Variants in ADAMTS2 observed in about 807,000 individuals in gnomAD.
ADAMTS2 encodes the protein A disintegrin and metalloproteinase with thrombospondin motifs 2.
Under a neutral mutation model 123.0 loss-of-function variants are expected in ADAMTS2, and 50 were observed. The observed-to-expected ratio is 0.41, with a 90% CI of 0.32 to 0.51. The LOEUF (loss-of-function observed/expected upper bound fraction) is 0.51, where lower values mean the gene tolerates loss of function less well. Among genes scored for constraint, ADAMTS2 ranks in the 20% least tolerant of loss-of-function variants. The pLI, the probability that ADAMTS2 is intolerant of heterozygous loss-of-function variation, is 0.35. For synonymous variants in ADAMTS2, 678 were observed against 695.4 expected (o/e 0.98, Z 0.39); for missense variants, 1,494 against 1,705.2 (o/e 0.88, Z 2.18).
chr5:179,320,318 T>G lies in ADAMTS2; in HGVS notation c.534+23449A>C, dbSNP rs572660203. On this transcript the variant is annotated intron_variant, in intron 2 of 21. Transcript: ENST00000251582. The stretch of plus-strand genomic sequence containing the variant: ...GTCCACCCTCCTCCATTTTTTTGGG[T>G]TTTTTTTGAGACGGAGTCTCGCTCT... 8.9e-5 allele frequency among the ~76,000 whole-genome samples: 13 copies of G among 146,182 alleles called. No homozygotes were observed. In the East Asian group the frequency reaches 1.7e-3, roughly 20 times the overall value.
At chr5:179,284,316 G>A (rs951579554) in intron 2 of ADAMTS2, among the ~76,000 whole-genome samples, 1 of 151,870 alleles carries the variant, frequency 6.6e-6, no homozygotes, top group Admixed American at 6.6e-5. Context: ...GCAACAGAGT[G>A]AGACTCCATC....
intron 3 of ADAMTS2, among the ~76,000 whole-genome samples, chr5:179,247,428 AG>A (rs1055259020): frequency 6.6e-6 from 1 of 152,130 alleles, no homozygotes; most frequent in Non-Finnish European, 1.5e-5. Flanking sequence ...TTCAAGAAAG[AG>A]AATAGAGAAA....
At position 179,153,572 on chromosome 5, in the gene ADAMTS2, C is replaced by T. The variant is rs1376304948; in HGVS notation, c.1434G>A (p.Leu478=). Residue 478 remains leucine (L), a synonymous_variant, in exon 9 of 22, where the codon CTG becomes CTA. Transcript: ENST00000251582. ...DDPFAHDWPA[L]PQLPGLHYSM... ...AGTAGTGCAGTCCCGGGAGCTGGGGCAGCGCCGGCCAGTCGTGGGCGAAGG... is the reference window on the plus strand; with the variant it reads ...AGTAGTGCAGTCCCGGGAGCTGGGGTAGCGCCGGCCAGTCGTGGGCGAAGG... The T allele has an allele frequency of 1.2e-6, 2 of 1,608,974 alleles. No individual in the cohort carries two copies. The highest frequency in any genetic ancestry group is 1.7e-5 in the Admixed American group (1 of 59,964).
intron 21 of ADAMTS2, among the ~76,000 whole-genome samples, chr5:179,116,258 GCA>G (rs1762655849): frequency 1.1e-5 from 1 of 89,590 alleles, no homozygotes; most frequent in African/African-American, 6.0e-5. Flanking sequence ...TGTGACCACG[GCA>G]CCCCCCCCCC....
rs751417288 is a variant in ADAMTS2, at chr5:179,260,145, T to C, written c.688+12766A>G. On this transcript the variant is annotated intron_variant, in intron 3 of 21. Coordinates refer to ENST00000251582, the MANE Select transcript of ADAMTS2 (RefSeq NM_014244.5). The surrounding 1 kb of genome is among the most constrained non-coding windows in gnomAD (Gnocchi z 4.2). ...ATGTCCCATGGGCCCATGGGACCAG[T>C]AGCCACCCACAGCTGCCAACCTGAG... 6.2e-4 allele frequency among the ~76,000 whole-genome samples: 95 copies of C among 152,016 alleles called. No homozygotes were observed. The highest frequency in any genetic ancestry group is 5.1e-4 in the Non-Finnish European group (35 of 68,002).
In ADAMTS2 at chr5:179,242,676, C is replaced by T. The variant is rs540089890; in HGVS notation, c.688+30235G>A. ...GAGCCATCACTTGCTCTCTCTTCCC[C>T]GCTTCTAGTCCTTCCAGTTCAGCTT... is the stretch of plus-strand genomic sequence containing the variant. On this transcript the variant is annotated intron_variant, in intron 3 of 21. Transcript: ENST00000251582. The surrounding 1 kb of genome is among the most constrained non-coding windows in gnomAD (Gnocchi z 4.2). 1.3e-5 allele frequency among the ~76,000 whole-genome samples: 2 copies of T among 152,294 alleles called. No homozygotes were observed. The highest frequency in any genetic ancestry group is 1.9e-4 in the East Asian group (1 of 5,186).
In ADAMTS2 at chr5:179,286,678, C is replaced by T. The variant is rs567973008; in HGVS notation, c.535-13614G>A. Among the ~76,000 whole-genome samples, 11 of 152,292 alleles carry T rather than the reference C, an allele frequency of 7.2e-5. No homozygotes were observed. The East Asian group carries it at 1.3e-3, about 19-fold the overall frequency. ...GCCAGCACCCCCTCCCACAAAAGGT[C>T]GGGGCCGGCGCCTTCCCTAGGTTGC... On this transcript the variant is annotated intron_variant, in intron 2 of 21. Transcript: ENST00000251582.
chr5:179,318,151 A>C (rs1757054200), intron 2 of ADAMTS2, among the ~76,000 whole-genome samples: 1 of 152,246 alleles, frequency 6.6e-6, no homozygotes, highest in Admixed American at 6.5e-5. Flanking sequence ...CCAAGGCTCC[A>C]GCCACTCTCA....
intron 10 of ADAMTS2, among the ~76,000 whole-genome samples, chr5:179,146,673 A>G (rs1204170567): frequency 6.6e-6 from 1 of 152,002 alleles, no homozygotes; most frequent in Non-Finnish European, 1.5e-5. Flanking sequence ...TCTTCCTCCT[A>G]ATGAGCAACT....
intron 2 of ADAMTS2, chr5:179,341,220 A>C: frequency 4.4e-6 from 1 of 229,854 alleles, no homozygotes; most frequent in Non-Finnish European, 8.8e-6. Context: ...GCAGCAACAA[A>C]GTCAGAAAAG....
rs961321496 is a variant in ADAMTS2 at position 179,153,173 on chromosome 5, G to A, written c.1515+318C>T. Among the ~76,000 whole-genome samples the A allele has an allele frequency of 6.8e-4, 103 of 152,204 alleles. 1 individual carries two copies. The highest frequency in any genetic ancestry group is 2.4e-3 in the African/African-American group (100 of 41,528). On this transcript the variant is annotated intron_variant, in intron 9 of 21. Coordinates refer to ENST00000251582, the MANE Select transcript of ADAMTS2 (RefSeq NM_014244.5). ...CCCTTCCTGAATGCCCTCTCCTTCC[G>A]CTTAGCCTGCAGGCCTCCCTTCTTC... is the stretch of plus-strand genomic sequence containing the variant.
At chr5:179,172,428 G>A (rs1251254522) in intron 5 of ADAMTS2, among the ~76,000 whole-genome samples, 6 of 152,250 alleles carry the variant, frequency 3.9e-5, no homozygotes, top group African/African-American at 1.4e-4. Flanking sequence ...ACTTCTGCAG[G>A]CAAGGCGCAT....
intron 2 of ADAMTS2, among the ~76,000 whole-genome samples, chr5:179,297,537 G>C (rs1288032182): frequency 1.3e-5 from 2 of 152,082 alleles, no homozygotes; most frequent in African/African-American, 4.8e-5. Context: ...TCTCTTGACT[G>C]TTCCCTTCCC....
intron 3 of ADAMTS2, among the ~76,000 whole-genome samples, chr5:179,263,157 TCCC>T (rs1382990506): frequency 0.098 from 37 of 376 alleles, 1 homozygote; most frequent in African/African-American, 0.33. Flanking sequence ...GCAGCATTAT[TCCC>T]CCATGATTTG....
chr5:179,207,600 G>A lies in ADAMTS2; in HGVS notation c.804C>T (p.Ile268=), dbSNP rs200868191. 18 of 1,613,668 alleles carry A rather than the reference G, an allele frequency of 1.1e-5. No individual in the cohort carries two copies. The highest frequency in any genetic ancestry group is 6.6e-5 in the South Asian group (6 of 91,088). The change falls in exon 4 of 22, where the codon ATC becomes ATT. Residue 268 remains isoleucine (I), a synonymous_variant. Transcript: ENST00000251582. ...RRHAADDDYN[I]EVLLGVDDSV... ...AGTCATCCACGCCCAGCAGGACCTC[G>A]ATGTTGTAGTCATCGTCCGCAGCAT...
intron 3 of ADAMTS2, among the ~76,000 whole-genome samples, chr5:179,252,198 T>C (rs1765943038): frequency 2.0e-5 from 3 of 151,936 alleles, no homozygotes; most frequent in African/African-American, 7.3e-5. Context: ...TTGGTAGAGA[T>C]GGGGTTTCAC....
intron 4 of ADAMTS2, among the ~76,000 whole-genome samples, chr5:179,206,182 G>A (rs252066): frequency 0.14 from 20,644 of 152,260 alleles, 1,944 homozygotes; most frequent in East Asian, 0.42. Flanking sequence ...TACGGATAAG[G>A]CTGGGCTCCA....
intron 18 of ADAMTS2, among the ~76,000 whole-genome samples, chr5:179,125,627 C>T (rs920123208): frequency 1.3e-5 from 2 of 152,246 alleles, no homozygotes; most frequent in Non-Finnish European, 2.9e-5. Context: ...ACTGTCTTCC[C>T]CACTGAGGTC....
At chr5:179,252,009 C>CTTTTTTTTTTTTTTT (rs200457965) in intron 3 of ADAMTS2, among the ~76,000 whole-genome samples, 2 of 135,774 alleles carry the variant, frequency 1.5e-5, no homozygotes, top group African/African-American at 5.5e-5. Flanking sequence ...TTTTTCTTTT[C>CTTTTTTTTTTTTTTT]TTTTTTTTTT....
Sources: gnomAD v4.1 joint callset for allele counts (sites outside exome capture counted in the v4.1 genomes callset) on GRCh38, gnomAD v4.1.1 for gene constraint, Gnocchi (gnomAD v3.1) non-coding constraint, MANE v1.5 for transcripts, NCBI Gene and HGNC (gene_info 2026-07-23, HGNC 2026-07-21) for gene names.